The following LYN variants were observed in gnomAD, a reference collection of about 807,000 sequenced individuals.
The protein encoded by LYN is tyrosine-protein kinase Lyn.
LYN carries 12 observed loss-of-function variants against 65.0 expected under a neutral mutation model. The observed-to-expected ratio is 0.18, with a 90% CI of 0.12 to 0.30. LYN has a LOEUF of 0.30. Ranked by LOEUF, LYN falls within the 10% of genes least tolerant of loss-of-function variation. LYN has a pLI of 1.00. For missense variants in LYN, 380 were observed against 623.2 expected (o/e 0.61, Z 4.16); for synonymous variants, 222 against 221.2 (o/e 1.00, Z -0.03).
At chr8:55,916,343 T>G (rs1468602130) in intron 1 of LYN, among the ~76,000 whole-genome samples, 1 of 152,204 alleles carries the variant, frequency 6.6e-6, no homozygotes, top group Non-Finnish European at 1.5e-5. Flanking sequence ...TATTACCTAC[T>G]GTTAAATGGC....
At chr8:55,904,259 T>G (rs539311538) in intron 1 of LYN, among the ~76,000 whole-genome samples, 2 of 152,340 alleles carry the variant, frequency 1.3e-5, no homozygotes, top group South Asian at 4.1e-4. Context: ...ATGGCTATAG[T>G]GTAACCAAAT....
intron 11 of LYN, among the ~76,000 whole-genome samples, chr8:55,999,118 C>G (rs1014644194): frequency 1.3e-5 from 2 of 152,166 alleles, no homozygotes; most frequent in African/African-American, 4.8e-5. Flanking sequence ...GATTCTTATG[C>G]TCTCACCCAC....
chr8:55,939,563 G>C (rs1806538715), intron 1 of LYN, among the ~76,000 whole-genome samples: 1 of 152,154 alleles, frequency 6.6e-6, no homozygotes, highest in East Asian at 1.9e-4. Flanking sequence ...CCTGTGCCCT[G>C]GTTGTGGCAC....
chr8:55,914,157 C>T (rs984866758), intron 1 of LYN, among the ~76,000 whole-genome samples: 1 of 151,476 alleles, frequency 6.6e-6, no homozygotes, highest in Non-Finnish European at 1.5e-5. Context: ...ATATGAATGG[C>T]ATGGGAAATA....
At chr8:55,998,875 A>C (rs1400579793) in intron 11 of LYN, among the ~76,000 whole-genome samples, 1 of 152,266 alleles carries the variant, frequency 6.6e-6, no homozygotes, top group Non-Finnish European at 1.5e-5. Flanking sequence ...TATATTGTTT[A>C]TTCCAGCCTT....
At chr8:55,892,959 G>A (rs1227566546) in intron 1 of LYN, among the ~76,000 whole-genome samples, 1 of 152,132 alleles carries the variant, frequency 6.6e-6, no homozygotes, top group Non-Finnish European at 1.5e-5. Context: ...AAAGGCATCT[G>A]CCATTCTACT....
intron 12 of LYN, 86 bp downstream of exon 12, chr8:55,999,635 T>G: frequency 1.5e-6 from 2 of 1,300,254 alleles, no homozygotes; most frequent in Non-Finnish European, 2.2e-6. Context: ...TAATAATTAC[T>G]TCATCTACCC....
intron 1 of LYN, among the ~76,000 whole-genome samples, chr8:55,915,010 CAAATGGTTTTGTTAATT>C (rs973846176): frequency 1.3e-5 from 2 of 152,182 alleles, no homozygotes; most frequent in African/African-American, 4.8e-5. Context: ...TGGGAGAGTA[CAAATGGTTTTGTTAATT>C]AGATTAAAAC....
chr8:55,971,526 C>T (rs1236050577), intron 10 of LYN, among the ~76,000 whole-genome samples: 1 of 152,234 alleles, frequency 6.6e-6, no homozygotes, highest in Admixed American at 6.5e-5. Context: ...GGCTATGGAA[C>T]ATCGGGACAC....
At chr8:55,998,576 T>TA in intron 11 of LYN, 77 bp downstream of exon 11, 2 of 1,377,962 alleles carry the variant, frequency 1.5e-6, no homozygotes, top group Non-Finnish European at 2.0e-6. Flanking sequence ...ACAAAGCAAT[T>TA]ACAATAGTCA....
At chr8:55,895,726 A>G (rs762556578) in intron 1 of LYN, 15 of 152,218 alleles carry the variant, frequency 9.9e-5, no homozygotes, top group South Asian at 2.1e-4. Flanking sequence ...TTTCTAATAC[A>G]TAAAACAGTA....
At chr8:55,888,964 G>A (rs746459348) in intron 1 of LYN, among the ~76,000 whole-genome samples, 50 of 152,096 alleles carry the variant, frequency 3.3e-4, no homozygotes, top group Admixed American at 2.0e-4. Context: ...TTTCAAATTT[G>A]ATAGATGCCC....
rs191337216 is a variant in LYN at position 55,949,099 on chromosome 8, C to T, written c.285-1360C>T. ...CATGCCTGCCTTTCTGCTGAGGACTCGAGCATGGTGCTGAAGCTCACTTGC... is the reference window on the plus strand; with the variant it reads ...CATGCCTGCCTTTCTGCTGAGGACTTGAGCATGGTGCTGAAGCTCACTTGC... On this transcript the variant is annotated intron_variant, in intron 4 of 12. Coordinates refer to ENST00000519728, the MANE Select transcript of LYN (RefSeq NM_002350.4). Among the ~76,000 whole-genome samples, 27 of 152,282 alleles carry T rather than the reference C, an allele frequency of 1.8e-4. No individual in the cohort carries two copies. In the East Asian group the frequency reaches 4.8e-3, roughly 27 times the overall value.
intron 9 of LYN, among the ~76,000 whole-genome samples, chr8:55,969,074 A>G (rs1425887254): frequency 6.6e-6 from 1 of 152,160 alleles, no homozygotes; most frequent in Non-Finnish European, 1.5e-5. Context: ...TGAGTCCAGG[A>G]ATTTGAGACC....
chr8:55,910,691 G>A (rs751187545), intron 1 of LYN, among the ~76,000 whole-genome samples: 1 of 151,986 alleles, frequency 6.6e-6, no homozygotes, highest in Non-Finnish European at 1.5e-5. Flanking sequence ...ATATATTCAG[G>A]TTTCACTTTT....
intron 10 of LYN, among the ~76,000 whole-genome samples, chr8:55,983,442 A>C (rs368243934): frequency 6.6e-6 from 1 of 151,926 alleles, no homozygotes; most frequent in African/African-American, 2.4e-5. Flanking sequence ...TTTCCCCTAC[A>C]TCCCTCTCCA....
chr8:55,887,573 T>C (rs377159566), intron 1 of LYN, among the ~76,000 whole-genome samples: 765 of 42,560 alleles, frequency 0.018, 7 homozygotes, highest in African/African-American at 0.052. Context: ...TATATATATA[T>C]ATACACACAC....
Position 55,950,495 on chromosome 8 carries a change from A to C in LYN, c.321A>C (p.Thr107=). The C allele has an allele frequency of 6.2e-7, 1 of 1,613,064 alleles. No individual in the cohort carries two copies. The part of the protein sequence containing the change: ...GEWWKAKSLL[T]KKEGFIPSNY... The stretch of plus-strand genomic sequence containing the variant: ...GGTGGAAAGCAAAGTCCCTTTTAAC[A>C]AAAAAAGAAGGCTTCATCCCCAGCA... The change falls in exon 5 of 13, where the codon ACA becomes ACC. Residue 107 remains threonine (T), a synonymous_variant. Coordinates refer to ENST00000519728, the MANE Select transcript of LYN (RefSeq NM_002350.4).
intron 1 of LYN, among the ~76,000 whole-genome samples, chr8:55,931,930 C>T (rs1307110777): frequency 2.6e-5 from 4 of 152,036 alleles, no homozygotes; most frequent in African/African-American, 7.2e-5. Flanking sequence ...ATTGTTTCTG[C>T]AATTAGAAAA....
Sources: allele counts gnomAD v4.1 joint callset (sites outside exome capture counted in the v4.1 genomes callset), GRCh38; gene constraint gnomAD v4.1.1; transcripts MANE v1.5; gene names NCBI Gene and HGNC (gene_info 2026-07-23, HGNC 2026-07-21).